The following HOXB7 variants were observed in gnomAD, a reference collection of about 807,000 sequenced individuals.
HOXB7 encodes the protein homeobox protein Hox-B7.
Under a neutral mutation model 19.2 loss-of-function variants are expected in HOXB7, and 11 were observed. The ratio of observed to expected loss-of-function variants is 0.57; its 90% CI spans 0.36 to 0.95. The LOEUF (loss-of-function observed/expected upper bound fraction) is 0.95, where lower values mean the gene tolerates loss of function less well. Among genes scored for constraint, HOXB7 ranks in the 40% least tolerant of loss-of-function variants. The pLI is 0.01. For synonymous variants in HOXB7, 141 were observed against 130.2 expected, an observed-to-expected ratio of 1.08 and a Z score of -0.56; for missense variants, 318 against 301.1, an observed-to-expected ratio of 1.06 and a Z score of -0.42.
chr17:48,610,639 G>A lies in HOXB7; in HGVS notation c.280C>T (p.Gln94Ter). Reference sequence around the variant, plus strand: ...CCGGGACACACCCCGGAGAGGTTCTGCTCAAAGGGCGCGCAGTGCATGTTG... The same window carrying A: ...CCGGGACACACCCCGGAGAGGTTCTACTCAAAGGGCGCGCAGTGCATGTTG... Reference protein sequence around the residue: ...SFNMHCAPFEQNLSGVCPGDS... With the variant: ...SFNMHCAPFE Residue 94 changes from glutamine (Q) to a stop codon, truncating the protein, a stop_gained, in exon 1 of 2, where the codon CAG (glutamine) becomes TAG (stop). Transcript: ENST00000239165. LOFTEE classifies it high-confidence loss of function. The A allele has an allele frequency of 6.4e-7, 1 of 1,570,916 alleles. No individual in the cohort carries two copies. The highest frequency in any genetic ancestry group is 8.6e-7 in the Non-Finnish European group (1 of 1,158,126).
intron 1 of HOXB7, among the ~76,000 whole-genome samples, chr17:48,609,658 A>C (rs887525554): frequency 3.3e-5 from 5 of 152,094 alleles, no homozygotes; most frequent in African/African-American, 1.2e-4. Context: ...TGCACTCTCT[A>C]ATTTTTGAAT....
At chr17:48,610,465 A>G in intron 1 of HOXB7, 54 bp downstream of exon 1, 2 of 1,372,194 alleles carry the variant, frequency 1.5e-6, no homozygotes, top group Non-Finnish European at 1.9e-6. Context: ...AGGCGCCTTC[A>G]GGGTAATGTG....
chr17:48,608,807 T>C (rs2070615622), intron 1 of HOXB7, among the ~76,000 whole-genome samples: 1 of 152,226 alleles, frequency 6.6e-6, no homozygotes, highest in Non-Finnish European at 1.5e-5. Flanking sequence ...AATGCTGATC[T>C]GATGGTCTTT....
chr17:48,609,503 G>A (rs963724575), intron 1 of HOXB7, among the ~76,000 whole-genome samples: 3 of 152,204 alleles, frequency 2.0e-5, no homozygotes, highest in Admixed American at 2.0e-4. Context: ...CTCTGACCAT[G>A]AGTCTTGGGT....
Position 48,607,812 on chromosome 17 carries a change from A to T in HOXB7, c.*30T>A, listed in dbSNP as rs752139713. 1 of 1,558,032 alleles carries T rather than the reference A, an allele frequency of 6.4e-7. No individual in the cohort carries two copies. Among genetic ancestry groups the T allele is most frequent in the East Asian group, 2.3e-5 (1 of 44,062 alleles). ...GGGCTTCTCTTCCTCTCCCTTTCTCATGTCTCTTCCTCTGCCCTTTCTCCA... is the reference window on the plus strand; with the variant it reads ...GGGCTTCTCTTCCTCTCCCTTTCTCTTGTCTCTTCCTCTGCCCTTTCTCCA... On this transcript the variant is annotated 3_prime_UTR_variant, in exon 2 of 2. Coordinates refer to ENST00000239165, the MANE Select transcript of HOXB7 (RefSeq NM_004502.4).
At position 48,610,847 on chromosome 17, in the gene HOXB7, T is replaced by C; in HGVS notation, c.72A>G (p.Gly24=). The change falls in exon 1 of 2, where the codon GGA becomes GGG. Residue 24 remains glycine, a synonymous_variant. Transcript: ENST00000239165. ...YPASSSVFAT[G]AFPEQTSCAF... ...CACAAGAAGTTTGTTCTGGGAAGGC[T>C]CCGGTAGCGAAAACCGAACTTGAGG... 1 of 1,551,202 alleles carries C rather than the reference T, an allele frequency of 6.4e-7. No homozygotes were observed. The highest frequency in any genetic ancestry group is 2.3e-5 in the East Asian group (1 of 43,850).
intron 1 of HOXB7, among the ~76,000 whole-genome samples, chr17:48,609,358 G>A (rs1266498500): frequency 2.0e-5 from 3 of 152,170 alleles, no homozygotes; most frequent in African/African-American, 7.2e-5. Flanking sequence ...CTGATGAGCA[G>A]AAAAAATGGG....
rs1200505138 is a variant in HOXB7, at chr17:48,610,562, C to T, written c.357G>A (p.Ala119=). The change falls in exon 1 of 2, where the codon GCG becomes GCA. Residue 119 remains alanine, a synonymous_variant. Transcript: ENST00000239165. ...GAKEQRDSDL[A]AESNFRIYPW... ...GGTAGATCCGGAAGTTACTCTCGGCCGCCAAGTCCGAGTCCCTCTGCTCCT... is the reference window on the plus strand; with the variant it reads ...GGTAGATCCGGAAGTTACTCTCGGCTGCCAAGTCCGAGTCCCTCTGCTCCT... 1.3e-6 allele frequency: 2 copies of T among 1,529,498 alleles called. No individual in the cohort carries two copies. Among genetic ancestry groups the T allele is most frequent in the Non-Finnish European group, 1.8e-6 (2 of 1,135,190 alleles). The allele number at this position is 1,529,498 out of a possible 1,614,324, so 94.7% of individuals were successfully genotyped here.
At chr17:48,610,029 G>A (rs868472823) in intron 1 of HOXB7, among the ~76,000 whole-genome samples, 17 of 152,008 alleles carry the variant, frequency 1.1e-4, no homozygotes, top group Middle Eastern at 6.8e-3. Flanking sequence ...GGAAGGGGGA[G>A]GGGAGAATTG....
Position 48,607,901 on chromosome 17 carries a change from C to A in HOXB7, c.595G>T (p.Ala199Ser), listed in dbSNP as rs759247051. 3 of 1,613,864 alleles carry A rather than the reference C, an allele frequency of 1.9e-6. No individual in the cohort carries two copies. The highest frequency in any genetic ancestry group is 1.3e-5 in the African/African-American group (1 of 74,846). The change falls in exon 2 of 2, where the codon GCG becomes TCG. Residue 199 changes from alanine (A) to serine (S), a missense_variant. Physicochemically the swap from Ala to Ser is moderately conservative, Grantham distance 99. Coordinates refer to ENST00000239165, the MANE Select transcript of HOXB7 (RefSeq NM_004502.4). ...RMKWKKENKT[A>S]GPGTTGQDRA... ...TCTTGGCCGGTGGTCCCCGGGCCCG[C>A]GGTCTTGTTCTCCTTTTTCCACTTC...
At chr17:48,609,483 G>C (rs946840539) in intron 1 of HOXB7, among the ~76,000 whole-genome samples, 5 of 152,222 alleles carry the variant, frequency 3.3e-5, no homozygotes, top group African/African-American at 9.6e-5. Context: ...ACCATTGCTG[G>C]GTTGGGTGCC....
At chr17:48,610,426 A>C (rs2070631346) in intron 1 of HOXB7, 93 bp downstream of exon 1, 3 of 1,273,432 alleles carry the variant, frequency 2.4e-6, no homozygotes, top group Non-Finnish European at 3.1e-6. Context: ...AGCACTCTGG[A>C]CGCGGAAAGG....
Position 48,610,862 on chromosome 17 carries a change from C to G in HOXB7, c.57G>C (p.Ser19=). Residue 19 remains serine, a synonymous_variant, in exon 1 of 2, where the codon TCG becomes TCC. Coordinates refer to ENST00000239165, the MANE Select transcript of HOXB7 (RefSeq NM_004502.4). ...TLFSKYPASS[S]VFATGAFPEQ... is the part of the protein sequence containing the mutation. The stretch of plus-strand genomic sequence containing the variant: ...CTGGGAAGGCTCCGGTAGCGAAAAC[C>G]GAACTTGAGGCTGGATATTTAGAAA... The G allele has an allele frequency of 6.5e-7, 1 of 1,538,176 alleles. No homozygotes were observed. The highest frequency in any genetic ancestry group is 8.7e-7 in the Non-Finnish European group (1 of 1,143,384).
In HOXB7 at chr17:48,610,703, G is replaced by T; in HGVS notation, c.216C>A (p.Gly72=). The change falls in exon 1 of 2, where the codon GGC becomes GGA. Residue 72 remains glycine (G), a synonymous_variant. Transcript: ENST00000239165. ...CGAGCCCATAGCCGGCCGCGTAGAC[G>T]CCGGCCGCGCTCTGGCCCGCCATGC... ...GGGMAGQSAA[G]VYAAGYGLEP... is the part of the protein sequence containing the mutation. 6.3e-6 allele frequency: 10 copies of T among 1,579,176 alleles called. No individual in the cohort carries two copies. The highest frequency in any genetic ancestry group is 7.7e-6 in the Non-Finnish European group (9 of 1,163,610).
rs879212751 is a variant in HOXB7 at position 48,607,713 on chromosome 17, T to C, written c.*129A>G. The C allele has an allele frequency of 6.0e-6, 4 of 668,678 alleles. No homozygotes were observed. Among genetic ancestry groups the C allele is most frequent in the Non-Finnish European group, 9.2e-6 (4 of 436,384 alleles). The allele number at this position is 668,678 out of a possible 1,614,324, so 41.4% of individuals were successfully genotyped here. On this transcript the variant is annotated 3_prime_UTR_variant, in exon 2 of 2. Coordinates refer to ENST00000239165, the MANE Select transcript of HOXB7 (RefSeq NM_004502.4). ...TTTCATTTAAATAGGGTTTTTTTTT[T>C]GTTTTTTTTGTTTTTTGTTTTGTTT...
rs2070605132 is a variant in HOXB7, at chr17:48,608,064, G to A, written c.432C>T (p.Tyr144=). The change falls in exon 2 of 2, where the codon TAC becomes TAT. Residue 144 remains tyrosine (Y), a synonymous_variant. Transcript: ENST00000239165. ...GTDRKRGRQT[Y]TRYQTLELEK... is the part of the protein sequence containing the mutation. The stretch of plus-strand genomic sequence containing the variant: ...CCAGCTCCAGGGTCTGGTAGCGGGT[G>A]TAGGTCTGGCGGCCTCGTTTGCGGT... 2 of 1,614,156 alleles carry A rather than the reference G, an allele frequency of 1.2e-6. No homozygotes were observed. Among genetic ancestry groups the A allele is most frequent in the South Asian group, 2.2e-5 (2 of 91,084 alleles).
Position 48,610,176 on chromosome 17 carries a change from C to G in HOXB7, c.400+343G>C, listed in dbSNP as rs146145805. Among the ~76,000 whole-genome samples, 675 of 152,368 alleles carry G rather than the reference C, an allele frequency of 4.4e-3. 4 individuals are homozygous for G. The highest frequency in any genetic ancestry group is 0.015 in the African/African-American group (640 of 41,582). The stretch of plus-strand genomic sequence containing the variant: ...ATTCTCTGCAAACACCGGCCTTCCT[C>G]CGCAAGACAAACGGCCTCGTCTCCA... On this transcript the variant is annotated intron_variant, in intron 1 of 1. Coordinates refer to ENST00000239165, the MANE Select transcript of HOXB7 (RefSeq NM_004502.4).
Position 48,607,630 on chromosome 17 carries a change from A to T in HOXB7, c.*212T>A, listed in dbSNP as rs2070596227. On this transcript the variant is annotated 3_prime_UTR_variant, in exon 2 of 2. Transcript: ENST00000239165. The stretch of plus-strand genomic sequence containing the variant: ...ACTTTCCTATAGGTAGTATTTTTTC[A>T]GTGTTGAAAAACCAAAATTTCTCCT... The T allele has an allele frequency of 3.9e-6, 2 of 519,102 alleles. No individual in the cohort carries two copies. Among genetic ancestry groups the T allele is most frequent in the Non-Finnish European group, 6.7e-6 (2 of 297,688 alleles). The allele number at this position is 519,102 out of a possible 1,614,324, so 32.2% of individuals were successfully genotyped here.
chr17:48,610,660 T>A lies in HOXB7; in HGVS notation c.259A>T (p.Met87Leu). 1 of 1,580,094 alleles carries A rather than the reference T, an allele frequency of 6.3e-7. No homozygotes were observed. Among genetic ancestry groups the A allele is most frequent in the Non-Finnish European group, 8.6e-7 (1 of 1,162,970 alleles). Residue 87 changes from methionine (M) to leucine (L), a missense_variant, in exon 1 of 2, where the codon ATG becomes TTG. Coordinates refer to ENST00000239165, the MANE Select transcript of HOXB7 (RefSeq NM_004502.4). ...GYGLEPSSFNMHCAPFEQNLS... is the reference protein window; with the variant it reads ...GYGLEPSSFNLHCAPFEQNLS... ...TTCTGCTCAAAGGGCGCGCAGTGCA[T>A]GTTGAAGGAACTCGGCTCGAGCCCA...
Sources: gnomAD v4.1 joint callset for allele counts (sites outside exome capture counted in the v4.1 genomes callset) on GRCh38, gnomAD v4.1.1 for gene constraint, MANE v1.5 for transcripts, NCBI Gene and HGNC (gene_info 2026-07-23, HGNC 2026-07-21) for gene names.